The following HM13 variants were observed in gnomAD, a reference collection of about 807,000 sequenced individuals.
HM13 encodes histocompatibility minor 13, also known as signal peptide peptidase.
HM13 carries 18 observed loss-of-function variants against 50.0 expected under a neutral mutation model. The observed-to-expected ratio is 0.36, with a 90% CI of 0.25 to 0.53. The LOEUF (loss-of-function observed/expected upper bound fraction) is 0.53. Among genes scored for constraint, HM13 ranks in the 20% least tolerant of loss-of-function variants. The pLI is 0.90. For missense variants in HM13, 393 were observed against 552.4 expected (o/e 0.71, Z 2.89); for synonymous variants, 197 against 232.6 (o/e 0.85, Z 1.39).
intron 2 of HM13, among the ~76,000 whole-genome samples, chr20:31,536,855 G>C (rs1983142468): frequency 6.6e-6 from 1 of 152,156 alleles, no homozygotes; most frequent in Non-Finnish European, 1.5e-5. Flanking sequence ...TCCCTGCCCT[G>C]GTTTGCTTTT....
chr20:31,520,834 C>A (rs538899202), intron 1 of HM13, among the ~76,000 whole-genome samples: 20 of 152,276 alleles, frequency 1.3e-4, no homozygotes, highest in African/African-American at 4.8e-4. Context: ...TCTGGAGTCT[C>A]CAGCTGGGTC....
At position 31,566,170 on chromosome 20, in the gene HM13, C is replaced by T. The variant is rs201426013; in HGVS notation, c.949-40C>T. 8.2e-5 allele frequency: 127 copies of T among 1,542,100 alleles called. 1 individual carries two copies. In the Admixed American group the frequency reaches 1.3e-3, roughly 16 times the overall value. ...GCTGGGCACGGCCCTGAGGCAGTGC[C>T]GTGCCCAGCATGGCTTCACCAGCCT... is the stretch of plus-strand genomic sequence containing the variant. On this transcript the variant is annotated intron_variant, in intron 10 of 12. Transcript: ENST00000398174.
intron 3 of HM13, among the ~76,000 whole-genome samples, chr20:31,543,188 T>G (rs1254166152): frequency 1.3e-5 from 2 of 152,232 alleles, no homozygotes; most frequent in Non-Finnish European, 2.9e-5. Context: ...CCTGCTGCGC[T>G]TCTCTTCACA....
chr20:31,528,250 T>C (rs183748640), intron 2 of HM13, among the ~76,000 whole-genome samples: 1 of 152,326 alleles, frequency 6.6e-6, no homozygotes, highest in Admixed American at 6.5e-5. Flanking sequence ...AGTATATCAA[T>C]AGAGGGAAAA....
chr20:31,550,487 C>G (rs958680179), intron 7 of HM13: 7 of 213,986 alleles, frequency 3.3e-5, no homozygotes, highest in Non-Finnish European at 5.7e-5. Context: ...CGGGTGCTGT[C>G]TATCCCGTGC....
At chr20:31,529,690 T>C (rs1180613620) in intron 2 of HM13, among the ~76,000 whole-genome samples, 1 of 151,730 alleles carries the variant, frequency 6.6e-6, no homozygotes, top group Non-Finnish European at 1.5e-5. Flanking sequence ...CCGAGGTGGG[T>C]GGATCATCTG....
chr20:31,521,375 A>C (rs1264815802), intron 1 of HM13, among the ~76,000 whole-genome samples: 3 of 152,162 alleles, frequency 2.0e-5, no homozygotes, highest in Non-Finnish European at 2.9e-5. Context: ...GTGTGACACT[A>C]AGCAAGTTAC....
chr20:31,556,170 C>G (rs1218932546), intron 8 of HM13, among the ~76,000 whole-genome samples: 2 of 151,380 alleles, frequency 1.3e-5, no homozygotes, highest in Non-Finnish European at 2.9e-5. Flanking sequence ...TCCCAAGTAG[C>G]TGGGATTATA....
chr20:31,559,839 T>C (rs1984513194), intron 9 of HM13, among the ~76,000 whole-genome samples, 192 bp downstream of exon 9: 1 of 152,220 alleles, frequency 6.6e-6, no homozygotes. Flanking sequence ...AAAATTGTTT[T>C]AAGAATCATA....
At position 31,561,710 on chromosome 20, in the gene HM13, A is replaced by G. The variant is rs777434392; in HGVS notation, c.922A>G (p.Ile308Val). ...YIFGLGLTIF[I>V]MHIFKHAQPA... ...CTTCGGCCTGGGCCTTACCATCTTC[A>G]TCATGCACATCTTCAAGCATGCTCA... The change falls in exon 10 of 13, where the codon ATC (isoleucine) becomes GTC (valine). Residue 308 changes from isoleucine to valine, a missense_variant. Ile to Val is a conservative substitution (Grantham distance 29). This residue lies in a region of HM13 where 74 missense variants were observed against 160.4 expected (regional missense o/e 0.46). Transcript: ENST00000398174. 1 of 1,612,512 alleles carries G rather than the reference A, an allele frequency of 6.2e-7. No homozygotes were observed. The highest frequency in any genetic ancestry group is 8.5e-7 in the Non-Finnish European group (1 of 1,178,476).
chr20:31,538,012 C>A (rs555759957), intron 2 of HM13, among the ~76,000 whole-genome samples, 167 bp from the exon 3 acceptor site: 28 of 152,284 alleles, frequency 1.8e-4, no homozygotes, highest in South Asian at 1.7e-3. Context: ...ACCTTTCCCC[C>A]ACAGCTGCAG....
chr20:31,550,014 C>A, intron 6 of HM13, 50 bp from the exon 7 acceptor site: 1 of 1,371,454 alleles, frequency 7.3e-7, no homozygotes, highest in Non-Finnish European at 1.0e-6. Context: ...CCATTCTTCC[C>A]CCCACAGCCC....
intron 7 of HM13, among the ~76,000 whole-genome samples, chr20:31,554,039 A>G (rs1984166637): frequency 5.9e-5 from 9 of 152,210 alleles, no homozygotes; most frequent in Admixed American, 5.9e-4. Flanking sequence ...GTTATAGCTC[A>G]GTAAAGGCAT....
chr20:31,538,443 G>A, intron 3 of HM13, 182 bp downstream of exon 3: 1 of 1,435,850 alleles, frequency 7.0e-7, no homozygotes. Context: ...ACCTCTCTGG[G>A]CCACAGTTTC....
At chr20:31,519,081 C>T (rs1289644497) in intron 1 of HM13, among the ~76,000 whole-genome samples, 2 of 152,176 alleles carry the variant, frequency 1.3e-5, no homozygotes, top group East Asian at 3.9e-4. Flanking sequence ...AATAAATAGG[C>T]ATATACTTTT....
intron 2 of HM13, among the ~76,000 whole-genome samples, chr20:31,535,959 C>T (rs1005732983): frequency 6.6e-6 from 1 of 152,224 alleles, no homozygotes; most frequent in East Asian, 1.9e-4. Context: ...TTATCCACAA[C>T]AGCACCTGCA....
At chr20:31,542,389 C>T (rs1983496519) in intron 3 of HM13, among the ~76,000 whole-genome samples, 1 of 152,194 alleles carries the variant, frequency 6.6e-6, no homozygotes, top group Non-Finnish European at 1.5e-5. Flanking sequence ...AGGAGGAAGC[C>T]ACATCACCAG....
At chr20:31,549,444 T>G in intron 6 of HM13, 112 bp downstream of exon 6, 1 of 1,413,990 alleles carries the variant, frequency 7.1e-7, no homozygotes, top group Admixed American at 1.7e-5. Context: ...TGTTTTGGGC[T>G]GAAGTTCCGG....
intron 11 of HM13, 105 bp downstream of exon 11, chr20:31,566,400 T>A (rs1040686454): frequency 1.1e-6 from 1 of 919,252 alleles, no homozygotes; most frequent in Non-Finnish European, 1.7e-6. Context: ...GGGAACATTG[T>A]TCCTGCCACC....
Sources: gnomAD v4.1 joint callset for allele counts (sites outside exome capture counted in the v4.1 genomes callset) on GRCh38, gnomAD v4.1.1 for gene constraint, gnomAD v4.1.1 regional missense constraint, MANE v1.5 for transcripts, NCBI Gene and HGNC (gene_info 2026-07-23, HGNC 2026-07-21) for gene names.